The following SNTG1 variants were observed in gnomAD, a reference collection of about 807,000 sequenced individuals.
SNTG1 encodes the protein gamma-1-syntrophin.
SNTG1 carries 39 observed loss-of-function variants against 74.7 expected under a neutral mutation model. The ratio of observed to expected loss-of-function variants is 0.52; its 90% CI spans 0.40 to 0.68. SNTG1 has a LOEUF of 0.68. Among genes scored for constraint, SNTG1 ranks in the 30% least tolerant of loss-of-function variants. SNTG1 has a pLI of 0.00. For synonymous variants in SNTG1, 254 were observed against 217.1 expected (o/e 1.17, Z -1.49); for missense variants, 685 against 609.5 (o/e 1.12, Z -1.30).
At chr8:49,991,179 A>G (rs1290823096) in intron 1 of SNTG1, among the ~76,000 whole-genome samples, 1 of 152,180 alleles carries the variant, frequency 6.6e-6, no homozygotes, top group Non-Finnish European at 1.5e-5. Context: ...AACAATAAAC[A>G]CATGAAAAAG....
chr8:50,206,275 G>A (rs912778074), intron 2 of SNTG1, among the ~76,000 whole-genome samples: 6 of 152,034 alleles, frequency 3.9e-5, no homozygotes, highest in African/African-American at 1.4e-4. Flanking sequence ...CCTTGAAGAG[G>A]TCCTTCACAT....
chr8:50,259,193 C>T (rs2130053444), intron 2 of SNTG1, among the ~76,000 whole-genome samples: 1 of 152,032 alleles, frequency 6.6e-6, no homozygotes, highest in East Asian at 1.9e-4. Context: ...GCAAAACTAG[C>T]TTTTTTCAAA....
At chr8:50,082,989 A>G (rs897600912) in intron 1 of SNTG1, among the ~76,000 whole-genome samples, 3 of 152,152 alleles carry the variant, frequency 2.0e-5, no homozygotes, top group Non-Finnish European at 2.9e-5. Context: ...TTTCCAGTTT[A>G]ATGTATAATA....
rs1329390852 is a variant in SNTG1 at position 50,752,015 on chromosome 8, G to T, written c.1299G>T (p.Arg433Ser). The T allele has an allele frequency of 1.9e-6, 3 of 1,564,132 alleles. No homozygotes were observed. The highest frequency in any genetic ancestry group is 2.8e-5 in the African/African-American group (2 of 70,958). The change falls in exon 18 of 19, where the codon AGG (arginine) becomes AGT (serine). Residue 433 changes from arginine to serine, a missense_variant. Physicochemically the swap from Arg to Ser is moderately radical, Grantham distance 110. Coordinates refer to ENST00000642720, the MANE Select transcript of SNTG1 (RefSeq NM_018967.5). ...FDAATKAVLW[R>S]YKFSQLKGSS... ...CCCCCCTTTAGGCTGTCCTTTGGAG[G>T]TATAAATTCTCTCAGCTTAAAGGTT...
At chr8:50,313,274 A>T (rs552046454) in intron 2 of SNTG1, among the ~76,000 whole-genome samples, 3 of 150,162 alleles carry the variant, frequency 2.0e-5, no homozygotes, top group South Asian at 2.2e-4. Flanking sequence ...TTTGAATATG[A>T]CACCAAAAAG....
intron 9 of SNTG1, among the ~76,000 whole-genome samples, chr8:50,520,450 T>A (rs2094170165): frequency 6.6e-6 from 1 of 152,028 alleles, no homozygotes; most frequent in Admixed American, 6.6e-5. Flanking sequence ...AGGGCTCAAA[T>A]TAAACTAAAG....
At chr8:50,717,772 G>T (rs2131582393) in intron 17 of SNTG1, among the ~76,000 whole-genome samples, 1 of 152,304 alleles carries the variant, frequency 6.6e-6, no homozygotes, top group Non-Finnish European at 1.5e-5. Flanking sequence ...AAATGTGTGT[G>T]AAGTGTTTTG....
At chr8:50,628,360 A>G (rs2094971559) in intron 13 of SNTG1, among the ~76,000 whole-genome samples, 1 of 152,188 alleles carries the variant, frequency 6.6e-6, no homozygotes. Context: ...TTTAATTGGT[A>G]GATGCAAATC....
At chr8:50,146,146 TTGTG>T (rs148184449) in intron 1 of SNTG1, among the ~76,000 whole-genome samples, 2 of 151,106 alleles carry the variant, frequency 1.3e-5, no homozygotes, top group Admixed American at 6.6e-5. Flanking sequence ...AGTATCCAAT[TTGTG>T]TGTGTGTGTG....
chr8:50,661,859 A>C (rs2095225536), intron 15 of SNTG1, among the ~76,000 whole-genome samples: 1 of 152,192 alleles, frequency 6.6e-6, no homozygotes, highest in African/African-American at 2.4e-5. Context: ...CCCTCCCCTT[A>C]GTAAGTACAA....
intron 9 of SNTG1, among the ~76,000 whole-genome samples, chr8:50,509,362 T>G (rs1563497385): frequency 6.6e-6 from 1 of 152,232 alleles, no homozygotes; most frequent in Non-Finnish European, 1.5e-5. Flanking sequence ...TGCCTCCAGC[T>G]TTGTTCTTTT....
At chr8:49,953,218 G>C (rs1353431121) in intron 1 of SNTG1, among the ~76,000 whole-genome samples, 1 of 152,230 alleles carries the variant, frequency 6.6e-6, no homozygotes, top group Admixed American at 6.5e-5. Flanking sequence ...GACTGTGACA[G>C]ACAGGGCTCT....
At chr8:50,213,951 AT>A (rs2084648607) in intron 2 of SNTG1, among the ~76,000 whole-genome samples, 1 of 151,694 alleles carries the variant, frequency 6.6e-6, no homozygotes, top group Non-Finnish European at 1.5e-5. Flanking sequence ...CCATTTGTCA[AT>A]TTTGGCTTTT....
At chr8:50,698,557 G>T (rs746240739) in intron 15 of SNTG1, among the ~76,000 whole-genome samples, 1 of 152,068 alleles carries the variant, frequency 6.6e-6, no homozygotes, top group East Asian at 1.9e-4. Flanking sequence ...CTTGATTCTC[G>T]GTTCTGGCTG....
intron 8 of SNTG1, among the ~76,000 whole-genome samples, chr8:50,451,779 T>TA (rs2093460265): frequency 6.6e-6 from 1 of 151,916 alleles, no homozygotes; most frequent in African/African-American, 2.4e-5. Flanking sequence ...GAAATGACAT[T>TA]AAAAAAATAC....
At chr8:50,731,295 C>T (rs1373082837) in intron 17 of SNTG1, among the ~76,000 whole-genome samples, 1 of 151,930 alleles carries the variant, frequency 6.6e-6, no homozygotes, top group Non-Finnish European at 1.5e-5. Flanking sequence ...TTTAGAATCC[C>T]CTTGATCTCA....
intron 1 of SNTG1, among the ~76,000 whole-genome samples, chr8:50,117,071 A>G (rs986986515): frequency 2.6e-5 from 4 of 152,088 alleles, no homozygotes; most frequent in Non-Finnish European, 5.9e-5. Flanking sequence ...TTTTAACATC[A>G]CGGTTTACAT....
intron 3 of SNTG1, among the ~76,000 whole-genome samples, chr8:50,399,860 C>T (rs2092778932): frequency 6.6e-6 from 1 of 152,116 alleles, no homozygotes; most frequent in Admixed American, 6.6e-5. Flanking sequence ...AAAGTATTCT[C>T]TAGATTAGTC....
chr8:50,107,100 G>A (rs1037234700), intron 1 of SNTG1, among the ~76,000 whole-genome samples: 1 of 152,146 alleles, frequency 6.6e-6, no homozygotes, highest in Non-Finnish European at 1.5e-5. Context: ...ATTACAGAAT[G>A]TAAAATTTTA....
Sources: gnomAD v4.1 joint callset for allele counts (sites outside exome capture counted in the v4.1 genomes callset) on GRCh38, gnomAD v4.1.1 for gene constraint, MANE v1.5 for transcripts, NCBI Gene and HGNC (gene_info 2026-07-23, HGNC 2026-07-21) for gene names.